The following IL1RAPL1 variants were observed in gnomAD, a reference collection of about 807,000 sequenced individuals.
IL1RAPL1 encodes the protein interleukin-1 receptor accessory protein-like 1.
Under a neutral mutation model 48.4 loss-of-function variants are expected in IL1RAPL1, and 3 were observed. The ratio of observed to expected loss-of-function variants is 0.06; its 90% CI spans 0.03 to 0.16. The LOEUF (loss-of-function observed/expected upper bound fraction) is 0.16, where lower values mean the gene tolerates loss of function less well. Among genes scored for constraint, IL1RAPL1 ranks in the 10% least tolerant of loss-of-function variants. The probability of loss-of-function intolerance (pLI) is 1.00; values close to 1 mark genes in which losing one functional copy is unlikely to be tolerated. For missense variants in IL1RAPL1, 349 were observed against 530.6 expected (o/e 0.66, Z 3.36); for synonymous variants, 185 against 187.7 (o/e 0.99, Z 0.12).
At chrX:29,323,224 A>G (rs778355465) in intron 3 of IL1RAPL1, among the ~76,000 whole-genome samples, 13 of 111,048 alleles carry the variant, frequency 1.2e-4, no homozygotes, top group African/African-American at 2.3e-4. Context: ...TTCTGAGCCA[A>G]TCTTCTCGAG....
chrX:29,149,822 G>A (rs748447461), intron 2 of IL1RAPL1, among the ~76,000 whole-genome samples: 12 of 111,920 alleles, frequency 1.1e-4, no homozygotes, highest in East Asian at 8.4e-4. Context: ...CTGGGGATTC[G>A]TTGATTGTGA....
At chrX:29,248,409 C>T (rs965976481) in intron 2 of IL1RAPL1, among the ~76,000 whole-genome samples, 25 of 110,934 alleles carry the variant, frequency 2.3e-4, no homozygotes, top group East Asian at 5.7e-4. Context: ...GGCGACAGAG[C>T]GAGACACCAT....
chrX:29,286,498 A>C (rs1451922511), intron 3 of IL1RAPL1, among the ~76,000 whole-genome samples: 1 of 110,729 alleles, frequency 9.0e-6, no homozygotes, highest in African/African-American at 3.3e-5. Flanking sequence ...CCTGCGTAAC[A>C]CAGTGAGACC....
chrX:29,202,210 C>T (rs1930569498), intron 2 of IL1RAPL1, among the ~76,000 whole-genome samples: 1 of 111,514 alleles, frequency 9.0e-6, no homozygotes, highest in Non-Finnish European at 1.9e-5. Flanking sequence ...AGGACATGAA[C>T]AGAAACTTTT....
chrX:29,144,104 C>T (rs1929298053), intron 2 of IL1RAPL1, among the ~76,000 whole-genome samples: 1 of 110,786 alleles, frequency 9.0e-6, no homozygotes, highest in Non-Finnish European at 1.9e-5. Flanking sequence ...AAGTTAATGG[C>T]GATATCAAGT....
At chrX:29,699,578 ACT>A (rs1261989174) in intron 6 of IL1RAPL1, among the ~76,000 whole-genome samples, 2 of 111,805 alleles carry the variant, frequency 1.8e-5, no homozygotes, top group African/African-American at 3.2e-5. Flanking sequence ...TATTCCAAAG[ACT>A]CTCTTTTAGA....
intron 3 of IL1RAPL1, among the ~76,000 whole-genome samples, chrX:29,353,181 G>A (rs138331362): frequency 0.014 from 1,548 of 111,605 alleles, 23 homozygotes; most frequent in African/African-American, 0.047. Context: ...GGGCAAATTG[G>A]GTGAAATAAA....
At chrX:29,899,233 AAAAG>A (rs1365606096) in intron 6 of IL1RAPL1, among the ~76,000 whole-genome samples, 2 of 111,113 alleles carry the variant, frequency 1.8e-5, no homozygotes, top group South Asian at 3.9e-4. Flanking sequence ...GGGAACTCCA[AAAAG>A]AAAGAAAGAA....
chrX:28,697,534 T>A (rs987675293), intron 1 of IL1RAPL1, among the ~76,000 whole-genome samples: 1 of 111,506 alleles, frequency 9.0e-6, no homozygotes, highest in East Asian at 2.8e-4. Context: ...TTTTAAAAAC[T>A]TGATTTAAAA....
chrX:29,041,124 A>T (rs958594429), intron 2 of IL1RAPL1, among the ~76,000 whole-genome samples: 1 of 111,375 alleles, frequency 9.0e-6, no homozygotes, highest in African/African-American at 3.3e-5. Flanking sequence ...GTTGTTACTG[A>T]GTTTGTCTTC....
At position 29,564,940 on chromosome X, in the gene IL1RAPL1, C is replaced by T. The variant is rs149587618; in HGVS notation, c.704-103490C>T. Among the ~76,000 whole-genome samples the T allele has an allele frequency of 4.1e-3, 454 of 111,502 alleles. 2 individuals carry two copies. The highest frequency in any genetic ancestry group is 0.014 in the African/African-American group (437 of 30,700). On this transcript the variant is annotated intron_variant, in intron 5 of 10. Transcript: ENST00000378993. The stretch of plus-strand genomic sequence containing the variant: ...CTTTGCCTTTTCAGGCTTCTAGAAA[C>T]TCCGTGCATTCCTTGGCTCATGGCC...
intron 2 of IL1RAPL1, among the ~76,000 whole-genome samples, chrX:28,797,992 G>C (rs763207523): frequency 9.8e-4 from 109 of 111,723 alleles, no homozygotes; most frequent in Non-Finnish European, 1.7e-3. Context: ...CAAAAAGAGA[G>C]CTTGTGTAGG....
chrX:29,060,673 C>T (rs896780051), intron 2 of IL1RAPL1, among the ~76,000 whole-genome samples: 2 of 111,701 alleles, frequency 1.8e-5, no homozygotes, highest in African/African-American at 6.5e-5. Context: ...TAAATTTAAA[C>T]TCTGATGAAA....
At chrX:29,623,023 C>T (rs1432595900) in intron 5 of IL1RAPL1, among the ~76,000 whole-genome samples, 5 of 108,338 alleles carry the variant, frequency 4.6e-5, no homozygotes, top group South Asian at 4.0e-4. Context: ...GTAATCCCAG[C>T]GCTTTGGGAG....
intron 2 of IL1RAPL1, among the ~76,000 whole-genome samples, chrX:28,805,150 T>G (rs1936716735): frequency 9.1e-6 from 1 of 110,430 alleles, no homozygotes. Context: ...AAGAAAGTCA[T>G]GAACTGAGCC....
chrX:29,664,638 G>T (rs754066305), intron 5 of IL1RAPL1, among the ~76,000 whole-genome samples: 1 of 111,287 alleles, frequency 9.0e-6, no homozygotes, highest in Non-Finnish European at 1.9e-5. Flanking sequence ...TTCTCTCCAC[G>T]TTAAGAACTT....
chrX:28,705,526 A>C (rs1428412898), intron 1 of IL1RAPL1, among the ~76,000 whole-genome samples: 1 of 112,066 alleles, frequency 8.9e-6, no homozygotes, highest in Non-Finnish European at 1.9e-5. Context: ...TTAGATACAA[A>C]ATAGGTAAAG....
chrX:28,924,079 T>G (rs1404944223), intron 2 of IL1RAPL1: 1 of 111,559 alleles, frequency 9.0e-6, no homozygotes, highest in African/African-American at 3.3e-5. Context: ...CAGCCTCTGA[T>G]GAAATTTATC....
At chrX:29,780,558 C>T (rs763769444) in intron 6 of IL1RAPL1, among the ~76,000 whole-genome samples, 12 of 111,383 alleles carry the variant, frequency 1.1e-4, no homozygotes, top group Non-Finnish European at 2.1e-4. Flanking sequence ...AACAAATGGA[C>T]GTTTCTTCCA....
Sources: allele counts gnomAD v4.1 joint callset (sites outside exome capture counted in the v4.1 genomes callset), GRCh38; gene constraint gnomAD v4.1.1; transcripts MANE v1.5; gene names NCBI Gene and HGNC (gene_info 2026-07-23, HGNC 2026-07-21).